The following TAF3 variants were observed in gnomAD, a reference collection of about 807,000 sequenced individuals.
The protein encoded by TAF3 is transcription initiation factor TFIID subunit 3.
Under a neutral mutation model 80.6 loss-of-function variants are expected in TAF3, and 7 were observed. The observed-to-expected ratio is 0.09, with a 90% CI of 0.05 to 0.16. The LOEUF is 0.16. Ranked by LOEUF, TAF3 falls within the 10% of genes least tolerant of loss-of-function variation. The pLI is 1.00. For missense variants in TAF3, 921 were observed against 1,140.2 expected (o/e 0.81, Z 2.77); for synonymous variants, 444 against 446.1 (o/e 1.00, Z 0.06).
At chr10:7,996,842 A>ATTTTTT (rs34866346) in intron 4 of TAF3, among the ~76,000 whole-genome samples, 1 of 131,922 alleles carries the variant, frequency 7.6e-6, no homozygotes. Context: ...ACCACACTCT[A>ATTTTTT]TTTTTTTTTT....
chr10:7,837,657 A>G (rs961572180), intron 2 of TAF3, among the ~76,000 whole-genome samples: 1 of 152,078 alleles, frequency 6.6e-6, no homozygotes, highest in Non-Finnish European at 1.5e-5. Flanking sequence ...AAAATAAAAA[A>G]TAAAACAATT....
At position 7,946,558 on chromosome 10, in the gene TAF3, T is replaced by A. The variant is rs546649998; in HGVS notation, c.410-17362T>A. ...GGGCGACGTGGCCAAACCTCGTCTGTATGAAAATACAAAAATTATCCAGGC... is the reference window on the plus strand; with the variant it reads ...GGGCGACGTGGCCAAACCTCGTCTGAATGAAAATACAAAAATTATCCAGGC... On this transcript the variant is annotated intron_variant, in intron 2 of 6. Coordinates refer to ENST00000344293, the MANE Select transcript of TAF3 (RefSeq NM_031923.4). Among the ~76,000 whole-genome samples, 4 of 152,244 alleles carry A rather than the reference T, an allele frequency of 2.6e-5. No homozygotes were observed. In the East Asian group the frequency reaches 7.7e-4, roughly 29 times the overall value.
chr10:7,836,180 T>C (rs1836850199), intron 2 of TAF3, among the ~76,000 whole-genome samples: 1 of 152,212 alleles, frequency 6.6e-6, no homozygotes, highest in African/African-American at 2.4e-5. Flanking sequence ...CCTACTCTCA[T>C]AGTTTGAACC....
At chr10:7,832,428 T>C (rs1398757096) in intron 2 of TAF3, among the ~76,000 whole-genome samples, 1 of 152,192 alleles carries the variant, frequency 6.6e-6, no homozygotes, top group Non-Finnish European at 1.5e-5. Flanking sequence ...GGGTACACAG[T>C]AAGTATAAAT....
chr10:7,909,631 G>C (rs1291004975), intron 2 of TAF3, among the ~76,000 whole-genome samples: 1 of 152,198 alleles, frequency 6.6e-6, no homozygotes, highest in Non-Finnish European at 1.5e-5. Context: ...ATTTATGCTT[G>C]ATAGCAATGA....
At chr10:8,003,198 G>C (rs1308529878) in intron 4 of TAF3, among the ~76,000 whole-genome samples, 1 of 150,874 alleles carries the variant, frequency 6.6e-6, no homozygotes, top group Non-Finnish European at 1.5e-5. Flanking sequence ...AGTGTTCAGT[G>C]GTTTTTTTTC....
chr10:7,938,958 G>A (rs182625589), intron 2 of TAF3, among the ~76,000 whole-genome samples: 38 of 152,244 alleles, frequency 2.5e-4, no homozygotes, highest in East Asian at 2.1e-3. Flanking sequence ...GTATAAAGCC[G>A]TAAGGATAAT....
chr10:7,915,034 GGGT>G (rs1316330608), intron 2 of TAF3, among the ~76,000 whole-genome samples: 1 of 148,250 alleles, frequency 6.7e-6, no homozygotes, highest in African/African-American at 2.5e-5. Context: ...TCCGCCTCCT[GGGT>G]TCACGCCATT....
intron 2 of TAF3, among the ~76,000 whole-genome samples, chr10:7,831,043 G>T (rs550583391): frequency 4.6e-5 from 7 of 152,274 alleles, no homozygotes; most frequent in African/African-American, 1.7e-4. Flanking sequence ...CTGATGCTCA[G>T]TGCCTAGATC....
At chr10:7,942,954 G>T (rs1588560492) in intron 2 of TAF3, among the ~76,000 whole-genome samples, 1 of 152,186 alleles carries the variant, frequency 6.6e-6, no homozygotes, top group Admixed American at 6.5e-5. Context: ...ACAGGAATTT[G>T]ACCTTCGTCA....
intron 2 of TAF3, among the ~76,000 whole-genome samples, chr10:7,866,155 A>G (rs1246817068): frequency 6.6e-6 from 1 of 152,214 alleles, no homozygotes; most frequent in Non-Finnish European, 1.5e-5. Flanking sequence ...TCCAGTATGC[A>G]TATGTTCCTT....
At chr10:8,007,338 A>G (rs2131439585) in intron 4 of TAF3, among the ~76,000 whole-genome samples, 1 of 152,056 alleles carries the variant, frequency 6.6e-6, no homozygotes, top group Admixed American at 6.5e-5. Flanking sequence ...GACAGCAAAC[A>G]GTAATGCAGT....
intron 2 of TAF3, among the ~76,000 whole-genome samples, chr10:7,884,401 T>G (rs1837389083): frequency 6.7e-6 from 1 of 150,144 alleles, no homozygotes; most frequent in Non-Finnish European, 1.5e-5. Context: ...CCTTTTTTTT[T>G]TTGAGATGGA....
At chr10:7,822,181 A>G (rs1265433949) in intron 1 of TAF3, among the ~76,000 whole-genome samples, 1 of 151,662 alleles carries the variant, frequency 6.6e-6, no homozygotes, top group Non-Finnish European at 1.5e-5. Context: ...GCAGAACTTG[A>G]GACTATACTG....
chr10:7,880,023 A>G (rs1837345725), intron 2 of TAF3, among the ~76,000 whole-genome samples: 1 of 152,298 alleles, frequency 6.6e-6, no homozygotes, highest in East Asian at 1.9e-4. Context: ...CAGCTTGGGC[A>G]TATGGCAGAA....
At chr10:7,974,133 TACACACACACACACACACAC>T (rs56363651) in intron 3 of TAF3, among the ~76,000 whole-genome samples, 1 of 145,256 alleles carries the variant, frequency 6.9e-6, no homozygotes, top group Non-Finnish European at 1.5e-5. Context: ...TTCTGAAACA[TACACACACACACACACACAC>T]ACACACACAC....
At chr10:7,860,958 C>T (rs1837139473) in intron 2 of TAF3, among the ~76,000 whole-genome samples, 1 of 151,828 alleles carries the variant, frequency 6.6e-6, no homozygotes, top group Non-Finnish European at 1.5e-5. Context: ...ACCACCATGC[C>T]CAGCTAATTT....
intron 4 of TAF3, among the ~76,000 whole-genome samples, chr10:8,007,535 G>A (rs1428533131): frequency 1.6e-5 from 2 of 124,002 alleles, no homozygotes; most frequent in Non-Finnish European, 3.3e-5. Context: ...CTAACTGTCT[G>A]TTATATTGTT....
intron 2 of TAF3, among the ~76,000 whole-genome samples, chr10:7,918,871 G>T (rs1466614738): frequency 6.6e-6 from 1 of 152,174 alleles, no homozygotes; most frequent in African/African-American, 2.4e-5. Flanking sequence ...ATAGCAGGTG[G>T]AAGGAAGGAG....
Sources: allele counts gnomAD v4.1 joint callset (sites outside exome capture counted in the v4.1 genomes callset), GRCh38; gene constraint gnomAD v4.1.1; transcripts MANE v1.5; gene names NCBI Gene and HGNC (gene_info 2026-07-23, HGNC 2026-07-21).